STARD13: variants seen among roughly 807,000 people sequenced by gnomAD.
STARD13 encodes the protein stAR-related lipid transfer protein 13.
A neutral mutation model predicts 106.4 loss-of-function variants in STARD13; 62 were observed. That is an observed-to-expected ratio of 0.58 (90% confidence interval 0.48 to 0.72). STARD13 has a LOEUF of 0.72. Ranked by LOEUF, STARD13 falls within the 30% of genes least tolerant of loss-of-function variation. STARD13 has a pLI of 0.00. For synonymous variants in STARD13, 565 were observed against 553.0 expected (o/e 1.02, Z -0.31); for missense variants, 1,387 against 1,424.0 (o/e 0.97, Z 0.42).
At chr13:33,484,160 C>G in the STARD13 span, among the ~76,000 whole-genome samples, 2 of 152,140 alleles carry the variant, frequency 1.3e-5, no homozygotes, top group Admixed American at 1.3e-4. Flanking sequence ...CTTGGTCATT[C>G]CTGGATGTGG....
intron 1 of STARD13, chr13:33,350,192 C>G (rs892358527): frequency 2.1e-5 from 28 of 1,360,298 alleles, no homozygotes; most frequent in Non-Finnish European, 2.5e-5. Context: ...AAACTCATGC[C>G]CTGGAGCCCA....
At chr13:33,171,891 T>C (rs1220936547) in intron 1 of STARD13, among the ~76,000 whole-genome samples, 1 of 152,182 alleles carries the variant, frequency 6.6e-6, no homozygotes, top group East Asian at 1.9e-4. Flanking sequence ...ATGTGACCAC[T>C]ATCCTCAGAC....
the STARD13 span, among the ~76,000 whole-genome samples, chr13:33,596,374 G>C: frequency 6.6e-6 from 1 of 151,958 alleles, no homozygotes; most frequent in African/African-American, 2.4e-5. Flanking sequence ...AATATATATG[G>C]TATAGTTGAA....
Position 33,106,866 on chromosome 13 carries a change from G to T in STARD13, c.3116C>A (p.Ala1039Asp), listed in dbSNP as rs745521453. 1.9e-6 allele frequency: 3 copies of T among 1,614,026 alleles called. No individual in the cohort carries two copies. ...LVSLSVEHEE[A>D]QLLGGVRAVV... ...TGCTCGCACACCACCCAGGAGCTGG[G>T]CTTCCTCATGCTCCACGGAGAGGGA... is the stretch of plus-strand genomic sequence containing the variant. The change falls in exon 13 of 14, where the codon GCC becomes GAC. Residue 1039 changes from alanine (A) to aspartate (D), a missense_variant. By Grantham distance (126) the Ala-to-Asp change is moderately radical. Transcript: ENST00000336934.
intron 1 of STARD13, among the ~76,000 whole-genome samples, chr13:33,326,878 C>T (rs1300898526): frequency 6.6e-6 from 1 of 152,176 alleles, no homozygotes; most frequent in African/African-American, 2.4e-5. Flanking sequence ...GCAGCAAAAA[C>T]CATGCTGTTC....
the STARD13 span, among the ~76,000 whole-genome samples, chr13:33,373,846 T>C: frequency 2.6e-4 from 40 of 152,076 alleles, no homozygotes; most frequent in African/African-American, 9.4e-4. Flanking sequence ...GGCAGGAATG[T>C]AGAATGGCAA....
the STARD13 span, among the ~76,000 whole-genome samples, chr13:33,584,073 A>G: frequency 6.6e-6 from 1 of 152,010 alleles, no homozygotes; most frequent in Non-Finnish European, 1.5e-5. Context: ...ACCATTTTAC[A>G]CTCCCACAAG....
chr13:33,614,298 T>TA, the STARD13 span, among the ~76,000 whole-genome samples: 1 of 152,080 alleles, frequency 6.6e-6, no homozygotes, highest in Non-Finnish European at 1.5e-5. Flanking sequence ...TGTGTGTGTT[T>TA]CTTGGAAAAT....
At chr13:33,513,042 A>G in the STARD13 span, among the ~76,000 whole-genome samples, 1 of 152,192 alleles carries the variant, frequency 6.6e-6, no homozygotes, top group African/African-American at 2.4e-5. Flanking sequence ...TATATTGTCT[A>G]CAGCTGCTCT....
At chr13:33,483,404 C>T in the STARD13 span, among the ~76,000 whole-genome samples, 4 of 152,144 alleles carry the variant, frequency 2.6e-5, no homozygotes, top group Admixed American at 2.6e-4. Flanking sequence ...CACCATATCT[C>T]AGGAAGTTTA....
intron 8 of STARD13, 83 bp from the exon 9 acceptor site, chr13:33,113,014 C>G (rs1874846272): frequency 9.8e-7 from 1 of 1,018,530 alleles, no homozygotes; most frequent in South Asian, 1.7e-5. Flanking sequence ...CTCCACATTC[C>G]TCGTGTGAAC....
intron 1 of STARD13, among the ~76,000 whole-genome samples, chr13:33,251,106 G>T (rs186237738): frequency 9.9e-4 from 150 of 152,254 alleles, no homozygotes; most frequent in African/African-American, 3.3e-3. Context: ...TGCCTGAGTT[G>T]TAAGTTATTT....
chr13:33,243,857 T>C (rs756918944), intron 1 of STARD13, among the ~76,000 whole-genome samples: 2 of 152,114 alleles, frequency 1.3e-5, no homozygotes, highest in Non-Finnish European at 2.9e-5. Context: ...AGCACTGGTT[T>C]AAAGGTGGAA....
At chr13:33,304,292 T>C (rs1299201167) in intron 1 of STARD13, among the ~76,000 whole-genome samples, 2 of 152,154 alleles carry the variant, frequency 1.3e-5, no homozygotes, top group African/African-American at 2.4e-5. Context: ...AGTAAAATTA[T>C]TTTTCTTAAA....
At chr13:33,148,611 T>C (rs372640814) in intron 3 of STARD13, among the ~76,000 whole-genome samples, 2 of 152,178 alleles carry the variant, frequency 1.3e-5, no homozygotes, top group African/African-American at 4.8e-5. Context: ...GAAACTCTCA[T>C]TCATTGCTGG....
chr13:33,109,761 T>A (rs1874255507), intron 12 of STARD13, 112 bp downstream of exon 12: 1 of 945,484 alleles, frequency 1.1e-6, no homozygotes, highest in Non-Finnish European at 1.6e-6. Context: ...GCCGGCTTAG[T>A]GTTCCCCGTG....
the STARD13 span, among the ~76,000 whole-genome samples, chr13:33,416,944 T>C: frequency 6.6e-6 from 1 of 152,220 alleles, no homozygotes; most frequent in Non-Finnish European, 1.5e-5. Flanking sequence ...TTGCAAATCA[T>C]AGTATATCTG....
the STARD13 span, among the ~76,000 whole-genome samples, chr13:33,379,101 C>G: frequency 1.3e-5 from 2 of 152,110 alleles, no homozygotes; most frequent in Non-Finnish European, 2.9e-5. Flanking sequence ...CAGAATAATA[C>G]CCTATCTCAA....
At chr13:33,174,311 A>AT (rs752740034) in intron 1 of STARD13, among the ~76,000 whole-genome samples, 46 of 151,196 alleles carry the variant, frequency 3.0e-4, no homozygotes, top group Admixed American at 2.2e-3. Flanking sequence ...ACACTTATGC[A>AT]TTTTTTTTTC....
Sources: gnomAD v4.1 joint callset for allele counts (sites outside exome capture counted in the v4.1 genomes callset) on GRCh38, gnomAD v4.1.1 for gene constraint, MANE v1.5 for transcripts, NCBI Gene and HGNC (gene_info 2026-07-23, HGNC 2026-07-21) for gene names.